MSI2: variants seen among roughly 807,000 people sequenced by gnomAD.
MSI2 encodes the protein musashi RNA binding protein 2, also known as RNA-binding protein Musashi homolog 2.
MSI2 carries 17 observed loss-of-function variants against 45.6 expected under a neutral mutation model. The ratio of observed to expected loss-of-function variants is 0.37; its 90% CI spans 0.26 to 0.56. The LOEUF (loss-of-function observed/expected upper bound fraction) is 0.56, where lower values mean the gene tolerates loss of function less well. Among genes scored for constraint, MSI2 ranks in the 20% least tolerant of loss-of-function variants. The pLI, the probability that MSI2 is intolerant of heterozygous loss-of-function variation, is 0.77. For synonymous variants in MSI2, 156 were observed against 158.2 expected (o/e 0.99, Z 0.11); for missense variants, 293 against 444.2 (o/e 0.66, Z 3.06).
chr17:57,671,575 G>A (rs1912774413), intron 11 of MSI2: 1 of 152,184 alleles, frequency 6.6e-6, no homozygotes, highest in African/African-American at 2.4e-5. Context: ...GCACCCTCAG[G>A]TGAGAGATTT....
intron 6 of MSI2, among the ~76,000 whole-genome samples, chr17:57,430,581 T>C (rs1261309544): frequency 6.6e-6 from 1 of 152,258 alleles, no homozygotes; most frequent in African/African-American, 2.4e-5. Flanking sequence ...CTTATTTTCA[T>C]TGGATTTATT....
chr17:57,478,526 C>T (rs767887782), intron 6 of MSI2, among the ~76,000 whole-genome samples: 9 of 152,180 alleles, frequency 5.9e-5, no homozygotes, highest in Non-Finnish European at 4.4e-5. Flanking sequence ...ACTATCTCCC[C>T]GACAAAACCA....
At chr17:57,642,058 A>C (rs1475411896) in intron 10 of MSI2, among the ~76,000 whole-genome samples, 1 of 152,208 alleles carries the variant, frequency 6.6e-6, no homozygotes, top group African/African-American at 2.4e-5. Context: ...ATCATCCCCA[A>C]GGCCCTGGAT....
intron 5 of MSI2, among the ~76,000 whole-genome samples, chr17:57,297,106 C>T (rs1322282235): frequency 6.6e-6 from 1 of 151,838 alleles, no homozygotes; most frequent in Non-Finnish European, 1.5e-5. Flanking sequence ...AACTCCTGAC[C>T]TTGTGATCCA....
At chr17:57,505,141 G>T (rs2086200437) in intron 6 of MSI2, among the ~76,000 whole-genome samples, 1 of 152,068 alleles carries the variant, frequency 6.6e-6, no homozygotes, top group Non-Finnish European at 1.5e-5. Context: ...GGGGTTGGAG[G>T]TCCCAGAATA....
intron 5 of MSI2, among the ~76,000 whole-genome samples, chr17:57,313,039 G>A (rs1043574926): frequency 6.6e-5 from 10 of 152,132 alleles, no homozygotes; most frequent in Non-Finnish European, 8.8e-5. Flanking sequence ...TAGAGACGGG[G>A]TTTCACCTTG....
At chr17:57,601,347 A>C (rs543757568) in intron 8 of MSI2, 1 of 152,398 alleles carries the variant, frequency 6.6e-6, no homozygotes, top group African/African-American at 2.4e-5. Flanking sequence ...GCAAAATGCA[A>C]ATGTGGCTCT....
chr17:57,638,073 A>C (rs1176825294), intron 10 of MSI2, among the ~76,000 whole-genome samples: 1 of 152,238 alleles, frequency 6.6e-6, no homozygotes, highest in Non-Finnish European at 1.5e-5. Context: ...CGAAAAACAG[A>C]AAATTACTCA....
chr17:57,410,318 C>A (rs1407420393), intron 6 of MSI2, among the ~76,000 whole-genome samples: 1 of 151,742 alleles, frequency 6.6e-6, no homozygotes, highest in Non-Finnish European at 1.5e-5. Context: ...AGAACACTAA[C>A]TTCATACCTG....
At chr17:57,698,416 G>C in the MSI2 span, among the ~76,000 whole-genome samples, 1 of 152,092 alleles carries the variant, frequency 6.6e-6, no homozygotes, top group African/African-American at 2.4e-5. Flanking sequence ...GCCCATCCCT[G>C]CCTCAGCTAT....
intron 8 of MSI2, among the ~76,000 whole-genome samples, chr17:57,605,577 C>A (rs1349542930): frequency 6.6e-6 from 1 of 152,212 alleles, no homozygotes; most frequent in African/African-American, 2.4e-5. Context: ...GGGCTGCCCC[C>A]CCTTCTCTTC....
At chr17:57,347,330 C>A (rs1915690573) in intron 5 of MSI2, among the ~76,000 whole-genome samples, 1 of 152,276 alleles carries the variant, frequency 6.6e-6, no homozygotes, top group African/African-American at 2.4e-5. Context: ...ATTATGAGAC[C>A]TGTATTCCAA....
At chr17:57,526,356 G>GGTGTGTGTGTGTGTGTGTGT (rs71143203) in intron 6 of MSI2, among the ~76,000 whole-genome samples, 5 of 122,612 alleles carry the variant, frequency 4.1e-5, no homozygotes, top group Admixed American at 8.4e-5. Flanking sequence ...GATATACCTG[G>GGTGTGTGTGTGTGTGTGTGT]GTGTGTGTGT....
chr17:57,551,656 C>G (rs1310079876), intron 7 of MSI2, among the ~76,000 whole-genome samples: 1 of 152,160 alleles, frequency 6.6e-6, no homozygotes, highest in African/African-American at 2.4e-5. Context: ...GCCCTTCCCC[C>G]ACCCACTGCT....
chr17:57,453,803 T>A (rs1466087106), intron 6 of MSI2, among the ~76,000 whole-genome samples: 1 of 152,156 alleles, frequency 6.6e-6, no homozygotes, highest in Non-Finnish European at 1.5e-5. Context: ...CTCAACACCA[T>A]CCTCAGGATA....
Position 57,587,672 on chromosome 17 carries a change from C to G in MSI2, c.455-9196C>G, listed in dbSNP as rs189213771. On this transcript the variant is annotated intron_variant, in intron 7 of 13. Transcript: ENST00000284073. ...AATAAAGAAGACCCGTGTCGACTCA[C>G]GCCGATCTCTGCCTTGCCTGTGCTT... is the stretch of plus-strand genomic sequence containing the variant. Among the ~76,000 whole-genome samples the G allele has an allele frequency of 2.7e-4, 41 of 152,256 alleles. No homozygotes were observed. The East Asian group carries it at 7.5e-3, about 28-fold the overall frequency.
chr17:57,604,875 C>CCG (rs1555630931), intron 8 of MSI2, among the ~76,000 whole-genome samples: 46 of 59,966 alleles, frequency 7.7e-4, no homozygotes, highest in African/African-American at 5.1e-3. Flanking sequence ...GATTGGCTCA[C>CCG]CCCCCCACTC....
At chr17:57,408,535 G>T (rs1417722244) in intron 6 of MSI2, among the ~76,000 whole-genome samples, 1 of 151,582 alleles carries the variant, frequency 6.6e-6, no homozygotes, top group African/African-American at 2.4e-5. Flanking sequence ...GCAAGGAGAG[G>T]AGAGCCAGCG....
intron 7 of MSI2, among the ~76,000 whole-genome samples, chr17:57,575,033 T>A (rs1288716789): frequency 6.6e-6 from 1 of 152,032 alleles, no homozygotes; most frequent in Non-Finnish European, 1.5e-5. Flanking sequence ...GGTTTCACTG[T>A]GTTAGCCAGG....
Sources: gnomAD v4.1 joint callset for allele counts (sites outside exome capture counted in the v4.1 genomes callset) on GRCh38, gnomAD v4.1.1 for gene constraint, MANE v1.5 for transcripts, NCBI Gene and HGNC (gene_info 2026-07-23, HGNC 2026-07-21) for gene names.